Variants in CSE1L observed in about 807,000 individuals in gnomAD.
CSE1L encodes exportin-2.
Under a neutral mutation model 120.4 loss-of-function variants are expected in CSE1L, and 24 were observed. The ratio of observed to expected loss-of-function variants is 0.20; its 90% confidence interval spans 0.14 to 0.28. CSE1L has a LOEUF of 0.28. CSE1L is among the 10% of genes least tolerant of loss of function. The pLI is 1.00. For missense variants in CSE1L, 830 were observed against 1,145.2 expected (o/e 0.72, Z 3.97); for synonymous variants, 402 against 398.3 (o/e 1.01, Z -0.11).
chr20:49,052,230 C>T (rs962968509), intron 1 of CSE1L, among the ~76,000 whole-genome samples: 2 of 152,172 alleles, frequency 1.3e-5, no homozygotes, highest in Admixed American at 6.6e-5. Flanking sequence ...CAAATGCTTA[C>T]TAAATATGTA....
At chr20:49,050,063 G>A (rs1384725865) in intron 1 of CSE1L, among the ~76,000 whole-genome samples, 1 of 152,014 alleles carries the variant, frequency 6.6e-6, no homozygotes, top group East Asian at 1.9e-4. Flanking sequence ...GATCTATGTA[G>A]TATTTTAACT....
chr20:49,067,333 A>G, intron 6 of CSE1L, 53 bp downstream of exon 6: 1 of 1,141,004 alleles, frequency 8.8e-7, no homozygotes, highest in Non-Finnish European at 1.3e-6. Context: ...AATTGCTTGA[A>G]TGTTTGTATA....
chr20:49,058,498 C>T lies in CSE1L; in HGVS notation c.35C>T (p.Thr12Ile). ...ELSDANLQTL[T>I]EYLKKTLDPD... ...AGCGATGCAAATCTGCAAACACTAA[C>T]AGAATATTTAAAGAAAACACTTGAT... Residue 12 changes from threonine (T) to isoleucine (I), a missense_variant, in exon 2 of 25, where the codon ACA becomes ATA. By Grantham distance (89) the Thr-to-Ile change is moderately conservative. This residue lies in a region of CSE1L where 543 missense variants were observed against 640.2 expected (regional missense o/e 0.85). Coordinates refer to ENST00000262982, the MANE Select transcript of CSE1L (RefSeq NM_001316.4). The T allele has an allele frequency of 1.1e-5, 18 of 1,613,838 alleles. No homozygotes were observed. Among genetic ancestry groups the T allele is most frequent in the Non-Finnish European group, 1.5e-5 (18 of 1,179,850 alleles).
intron 16 of CSE1L, among the ~76,000 whole-genome samples, 199 bp from the exon 17 acceptor site, chr20:49,087,810 T>G (rs1348582636): frequency 6.6e-6 from 1 of 152,200 alleles, no homozygotes. Context: ...ATTTCCCAGC[T>G]AAATTTTGTT....
intron 8 of CSE1L, among the ~76,000 whole-genome samples, chr20:49,070,752 G>T (rs577734074): frequency 6.6e-6 from 1 of 152,192 alleles, no homozygotes; most frequent in South Asian, 2.1e-4. Flanking sequence ...GGCAATGTAA[G>T]GAGACCCCCA....
intron 1 of CSE1L, among the ~76,000 whole-genome samples, chr20:49,053,331 G>C (rs903940254): frequency 2.9e-5 from 4 of 139,528 alleles, no homozygotes; most frequent in Non-Finnish European, 6.1e-5. Context: ...GATTTAACTT[G>C]ACCACAGCAA....
intron 2 of CSE1L, among the ~76,000 whole-genome samples, chr20:49,060,044 G>A (rs746779187): frequency 5.3e-4 from 81 of 152,026 alleles, no homozygotes; most frequent in Non-Finnish European, 7.9e-4. Context: ...AATTAGCCAA[G>A]TGTGGTGATG....
At chr20:49,086,805 T>C (rs2092062065) in intron 16 of CSE1L, among the ~76,000 whole-genome samples, 3 of 152,226 alleles carry the variant, frequency 2.0e-5, no homozygotes. Context: ...GCCAGCCTAG[T>C]GGAGGAGCAC....
chr20:49,082,527 C>T (rs903636839), intron 14 of CSE1L, among the ~76,000 whole-genome samples: 7 of 152,022 alleles, frequency 4.6e-5, no homozygotes, highest in East Asian at 1.9e-4. Flanking sequence ...TGTTTTGAGA[C>T]GGAGTCTTCG....
intron 23 of CSE1L, 68 bp downstream of exon 23, chr20:49,094,354 A>T: frequency 6.9e-7 from 1 of 1,456,788 alleles, no homozygotes; most frequent in East Asian, 2.3e-5. Context: ...AAATTAACAA[A>T]GCTTATTCTC....
chr20:49,049,814 A>T (rs561154349), intron 1 of CSE1L, among the ~76,000 whole-genome samples: 2 of 152,336 alleles, frequency 1.3e-5, no homozygotes, highest in Admixed American at 1.3e-4. Flanking sequence ...GGATCACTTG[A>T]GCTCAGGAGT....
At position 49,070,258 on chromosome 20, in the gene CSE1L, T is replaced by C. The variant is rs776162714; in HGVS notation, c.729T>C (p.His243=). Residue 243 remains histidine (H), a synonymous_variant, in exon 8 of 25, where the codon CAT becomes CAC. Coordinates refer to ENST00000262982, the MANE Select transcript of CSE1L (RefSeq NM_001316.4). ...DNMETWMNNF[H]TLLTLDNKLL... is the part of the protein sequence containing the mutation. ...TGGAAACTTGGATGAATAATTTTCA[T>C]ACTCTCTTAACATTGGATAATAAGC... 1.0e-5 allele frequency: 15 copies of C among 1,471,202 alleles called. No individual in the cohort carries two copies. The highest frequency in any genetic ancestry group is 3.4e-4 in the Middle Eastern group (2 of 5,812). 91.1% of individuals were successfully genotyped at this position (1,471,202 alleles called of 1,614,324 possible).
At chr20:49,087,979 A>G (rs1423973270) in intron 16 of CSE1L, 30 bp from the exon 17 acceptor site, 6 of 1,441,062 alleles carry the variant, frequency 4.2e-6, no homozygotes, top group Admixed American at 3.9e-5. Flanking sequence ...ACTAAACTCT[A>G]TTTGTTTTTG....
intron 1 of CSE1L, among the ~76,000 whole-genome samples, chr20:49,053,375 T>G (rs1315009645): frequency 1.1e-5 from 1 of 91,912 alleles, no homozygotes; most frequent in Non-Finnish European, 2.1e-5. Context: ...TTTTTTTTTT[T>G]GAGACTGCGT....
intron 10 of CSE1L, among the ~76,000 whole-genome samples, chr20:49,073,987 G>C (rs907147023): frequency 6.6e-6 from 1 of 152,064 alleles, no homozygotes; most frequent in Non-Finnish European, 1.5e-5. Flanking sequence ...GGCTGAGGTG[G>C]GAGGAACACT....
At chr20:49,083,549 A>G (rs1243392385) in intron 14 of CSE1L, among the ~76,000 whole-genome samples, 1 of 152,228 alleles carries the variant, frequency 6.6e-6, no homozygotes, top group Non-Finnish European at 1.5e-5. Flanking sequence ...ATAGACAGGA[A>G]TGAACCACCA....
Position 49,096,484 on chromosome 20 carries a change from T to A in CSE1L, c.*46T>A. 1.4e-6 allele frequency: 2 copies of A among 1,396,250 alleles called. No homozygotes were observed. The highest frequency in any genetic ancestry group is 2.3e-5 in the South Asian group (2 of 86,554). 86.5% of individuals were successfully genotyped at this position (1,396,250 alleles called of 1,614,324 possible). ...TAAACCCAGATGGTTTCCTAGGAAA[T>A]CACAGGCTTCTGAGCACAGCTGCAT... On this transcript the variant is annotated 3_prime_UTR_variant, in exon 25 of 25. Transcript: ENST00000262982.
intron 1 of CSE1L, among the ~76,000 whole-genome samples, chr20:49,056,056 A>G (rs928958042): frequency 4.0e-5 from 6 of 151,022 alleles, no homozygotes; most frequent in Admixed American, 1.3e-4. Flanking sequence ...ACATGTGGCT[A>G]TATATCTAAA....
chr20:49,048,733 A>C (rs540222154), intron 1 of CSE1L, among the ~76,000 whole-genome samples: 102 of 152,348 alleles, frequency 6.7e-4, no homozygotes, highest in African/African-American at 2.2e-3. Context: ...AGGCAATGTA[A>C]GGAGTTTGGA....
Sources: allele counts gnomAD v4.1 joint callset (sites outside exome capture counted in the v4.1 genomes callset), GRCh38; gene constraint gnomAD v4.1.1; regional missense constraint gnomAD v4.1.1; transcripts MANE v1.5; gene names NCBI Gene and HGNC (gene_info 2026-07-23, HGNC 2026-07-21).